Variants in TP53BP2 observed in about 807,000 individuals in gnomAD.
The protein encoded by TP53BP2 is apoptosis-stimulating of p53 protein 2.
A neutral mutation model predicts 126.2 loss-of-function variants in TP53BP2; 62 were observed. That is an observed-to-expected ratio of 0.49 (90% CI 0.40 to 0.61). The LOEUF (loss-of-function observed/expected upper bound fraction) is 0.61. Ranked by LOEUF, TP53BP2 falls within the 20% of genes least tolerant of loss-of-function variation. The pLI is 0.00. For missense variants in TP53BP2, 1,215 were observed against 1,402.8 expected (o/e 0.87, Z 2.14); for synonymous variants, 485 against 502.9 (o/e 0.96, Z 0.48).
At chr1:223,842,663 G>C (rs934358306) in intron 1 of TP53BP2, among the ~76,000 whole-genome samples, 4 of 152,222 alleles carry the variant, frequency 2.6e-5, no homozygotes, top group African/African-American at 9.7e-5. Flanking sequence ...TTTAGAGTTA[G>C]CCAAGCTCTT....
At position 223,826,766 on chromosome 1, in the gene TP53BP2, A is replaced by T. The variant is rs78035532; in HGVS notation, c.28-5399T>A. On this transcript the variant is annotated intron_variant, in intron 1 of 17. Coordinates refer to ENST00000343537, the MANE Select transcript of TP53BP2 (RefSeq NM_001031685.3). Reference sequence around the variant, plus strand: ...GTAGCTATTTATGCCCTTAAAAAAAATCACTATATGAACAAACTACAGGAG... The same window carrying T: ...GTAGCTATTTATGCCCTTAAAAAAATTCACTATATGAACAAACTACAGGAG... Among the ~76,000 whole-genome samples the T allele has an allele frequency of 6.9e-3, 1,044 of 152,320 alleles. 10 individuals are homozygous for T. The highest frequency in any genetic ancestry group is 0.024 in the African/African-American group (1,009 of 41,566).
intron 1 of TP53BP2, among the ~76,000 whole-genome samples, chr1:223,838,536 G>C (rs1327345354): frequency 6.6e-6 from 1 of 152,120 alleles, no homozygotes; most frequent in Admixed American, 6.5e-5. Flanking sequence ...TGCACCATTC[G>C]AGCAACTGGA....
intron 1 of TP53BP2, among the ~76,000 whole-genome samples, chr1:223,838,523 T>C (rs946923900): frequency 3.9e-5 from 6 of 152,244 alleles, no homozygotes; most frequent in South Asian, 2.1e-4. Flanking sequence ...TCAAAGTCAC[T>C]GCTGCACCAT....
In TP53BP2 at chr1:223,795,876, G is replaced by A; in HGVS notation, c.2663C>T (p.Pro888Leu). The A allele has an allele frequency of 6.2e-7, 1 of 1,601,220 alleles. No homozygotes were observed. ...GCGCATGCTCACCGAGTCTTCTCCGGGCCCTTCAGGCTCCCCAGATGGGTA... is the reference window on the plus strand; with the variant it reads ...GCGCATGCTCACCGAGTCTTCTCCGAGCCCTTCAGGCTCCCCAGATGGGTA... ...PPYPSGEPEG[P>L]GEDSVSMRPP... Residue 888 changes from proline to leucine, a missense_variant, in exon 13 of 18, where the codon CCC (proline) becomes CTC (leucine). By Grantham distance (98) the Pro-to-Leu change is moderately conservative. Transcript: ENST00000343537.
chr1:223,801,340 A>G (rs1213627828), intron 9 of TP53BP2, among the ~76,000 whole-genome samples: 2 of 152,254 alleles, frequency 1.3e-5, no homozygotes, highest in Non-Finnish European at 2.9e-5. Context: ...TCCAGACTGC[A>G]TGGTACTATT....
intron 16 of TP53BP2, among the ~76,000 whole-genome samples, chr1:223,786,975 C>A (rs1229686823): frequency 6.6e-6 from 1 of 151,414 alleles, no homozygotes; most frequent in East Asian, 2.0e-4. Flanking sequence ...CAGCTCACTG[C>A]AACCTCCGCC....
intron 5 of TP53BP2, among the ~76,000 whole-genome samples, chr1:223,804,717 T>A (rs1358213667): frequency 1.3e-5 from 2 of 152,160 alleles, no homozygotes; most frequent in Admixed American, 6.5e-5. Context: ...TGCACAAGAT[T>A]TGGAGTACAT....
chr1:223,839,015 T>TTC (rs1664017315), intron 1 of TP53BP2, among the ~76,000 whole-genome samples: 1 of 151,556 alleles, frequency 6.6e-6, no homozygotes, highest in African/African-American at 2.4e-5. Context: ...TTTTTTTCTT[T>TTC]TTTTTTTTTT....
rs955420582 is a variant in TP53BP2 at position 223,797,980 on chromosome 1, AGCCC to A, written c.1948+231_1948+234del. ...TATATTTGGTTCTCCCTCACCGATA[AGCCC>A]CTCCAGACTTGAGACCACACTTTAT... On this transcript the variant is annotated intron_variant, in intron 12 of 17. Transcript: ENST00000343537. Among the ~76,000 whole-genome samples the A allele has an allele frequency of 1.6e-4, 24 of 152,210 alleles. 1 individual carries two copies. Among genetic ancestry groups the A allele is most frequent in the African/African-American group, 5.5e-4 (23 of 41,534 alleles).
At chr1:223,800,136 G>A in intron 10 of TP53BP2, 89 bp from the exon 11 acceptor site, 1 of 1,342,452 alleles carries the variant, frequency 7.4e-7, no homozygotes. Context: ...AAATCTCCCT[G>A]AAAATCTGTG....
chr1:223,836,368 A>G (rs1663923195), intron 1 of TP53BP2, among the ~76,000 whole-genome samples: 1 of 152,236 alleles, frequency 6.6e-6, no homozygotes, highest in Non-Finnish European at 1.5e-5. Flanking sequence ...TCTTCTGCAC[A>G]GCACAAGGCA....
At chr1:223,804,467 G>C in intron 5 of TP53BP2, 119 bp from the exon 6 acceptor site, 1 of 888,470 alleles carries the variant, frequency 1.1e-6, no homozygotes, top group South Asian at 1.5e-5. Flanking sequence ...CCCTGGTCTG[G>C]TCTCACCTTC....
At position 223,795,764 on chromosome 1, in the gene TP53BP2, G is replaced by A. The variant is rs369850005; in HGVS notation, c.2724+51C>T. ...GATGAATGTGACCACCAAGAAAATC[G>A]TAACAAAGTAAAGGACTCCGGAAAA... On this transcript the variant is annotated intron_variant, in intron 13 of 17. Transcript: ENST00000343537. 175 of 1,383,076 alleles carry A rather than the reference G, an allele frequency of 1.3e-4. 1 individual carries two copies. The South Asian group carries it at 2.6e-3, about 20-fold the overall frequency. 85.7% of individuals were successfully genotyped at this position (1,383,076 alleles called of 1,614,324 possible).
In TP53BP2 at chr1:223,802,356, AG is replaced by A; in HGVS notation, c.997-13del. The A allele has an allele frequency of 6.2e-7, 1 of 1,611,668 alleles. No individual in the cohort carries two copies. The highest frequency in any genetic ancestry group is 8.5e-7 in the Non-Finnish European group (1 of 1,178,550). On this transcript the variant is annotated splice_polypyrimidine_tract_variant and intron_variant, in intron 8 of 17. Coordinates refer to ENST00000343537, the MANE Select transcript of TP53BP2 (RefSeq NM_001031685.3). The stretch of plus-strand genomic sequence containing the variant: ...CCATCAGATGAAACCTTAGGAAAGA[AG>A]CACAGGTCCTTTAGTATTAAAAATC...
intron 1 of TP53BP2, chr1:223,845,313 T>C: frequency 1.1e-6 from 1 of 947,488 alleles, no homozygotes; most frequent in Non-Finnish European, 1.3e-6. Flanking sequence ...GTTCCCGTAT[T>C]CTTGACCTTC....
At position 223,814,341 on chromosome 1, in the gene TP53BP2, G is replaced by T. The variant is rs768216647; in HGVS notation, c.188C>A (p.Ala63Glu). 6.2e-7 allele frequency: 1 copy of T among 1,611,964 alleles called. No homozygotes were observed. The highest frequency in any genetic ancestry group is 1.7e-5 in the Admixed American group (1 of 59,958). ...AACATCAAACATTCGCTCATTATCC[G>T]CAACTGGACGTTCTAAAGCAAATGA... ...EVWCGSERPV[A>E]DNERMFDVLQ... is the part of the protein sequence containing the mutation. Residue 63 changes from alanine (A) to glutamate (E), a missense_variant, in exon 3 of 18, where the codon GCG (alanine) becomes GAG (glutamate). By Grantham distance (107) the Ala-to-Glu change is moderately radical. Coordinates refer to ENST00000343537, the MANE Select transcript of TP53BP2 (RefSeq NM_001031685.3).
At chr1:223,799,785 TCTC>T in intron 11 of TP53BP2, 111 bp downstream of exon 11, 1 of 939,178 alleles carries the variant, frequency 1.1e-6, no homozygotes, top group African/African-American at 1.7e-5. Flanking sequence ...TATTTTCTAA[TCTC>T]CTAGGTACAT....
chr1:223,807,458 T>A (rs556675215), intron 4 of TP53BP2, among the ~76,000 whole-genome samples: 2 of 152,114 alleles, frequency 1.3e-5, no homozygotes, highest in African/African-American at 4.8e-5. Context: ...TTCTAGCCAA[T>A]GCAATAAAAC....
intron 3 of TP53BP2, 93 bp downstream of exon 3, chr1:223,814,147 C>T: frequency 1.1e-6 from 1 of 906,210 alleles, no homozygotes; most frequent in South Asian, 1.5e-5. Flanking sequence ...CTTCACCTCT[C>T]AAATTACCTG....
Sources: gnomAD v4.1 joint callset for allele counts (sites outside exome capture counted in the v4.1 genomes callset) on GRCh38, gnomAD v4.1.1 for gene constraint, MANE v1.5 for transcripts, NCBI Gene and HGNC (gene_info 2026-07-23, HGNC 2026-07-21) for gene names.